The following AFG2A variants were observed in gnomAD, a reference collection of about 807,000 sequenced individuals.
AFG2A encodes AAA ATPase AFG2A, also known as ATPase family gene 2 protein homolog A.
At chr4:122,927,892 A>G in the AFG2A span, 6 of 1,255,686 alleles carry the variant, frequency 4.8e-6, no homozygotes, top group Non-Finnish European at 5.4e-6. Context: ...TGGATTTCAG[A>G]TTTGGGATGC....
the AFG2A span, among the ~76,000 whole-genome samples, chr4:123,257,959 T>C: frequency 1.3e-5 from 2 of 152,234 alleles, no homozygotes; most frequent in Non-Finnish European, 2.9e-5. Flanking sequence ...GGCTTGCTAA[T>C]TCTTATGTAG....
At chr4:123,082,267 A>G in the AFG2A span, among the ~76,000 whole-genome samples, 6 of 152,028 alleles carry the variant, frequency 3.9e-5, no homozygotes, top group African/African-American at 1.2e-4. Flanking sequence ...TTTGTGTTTT[A>G]CATGTAGGTC....
At chr4:122,939,404 A>C in the AFG2A span, among the ~76,000 whole-genome samples, 1 of 152,134 alleles carries the variant, frequency 6.6e-6, no homozygotes, top group South Asian at 2.1e-4. Flanking sequence ...TTTATTAATA[A>C]AAACTATATG....
the AFG2A span, among the ~76,000 whole-genome samples, chr4:122,935,321 T>G: frequency 6.6e-6 from 1 of 152,178 alleles, no homozygotes; most frequent in Non-Finnish European, 1.5e-5. Context: ...CTTATGTACC[T>G]TTTATACTAG....
chr4:123,296,367 G>A, the AFG2A span, among the ~76,000 whole-genome samples: 1 of 152,162 alleles, frequency 6.6e-6, no homozygotes, highest in Non-Finnish European at 1.5e-5. Flanking sequence ...AAGAGAAAGA[G>A]AAATCCCTTA....
the AFG2A span, among the ~76,000 whole-genome samples, chr4:123,075,809 T>C: frequency 6.6e-6 from 1 of 151,232 alleles, no homozygotes; most frequent in Non-Finnish European, 1.5e-5. Flanking sequence ...AATACAAAAT[T>C]AGCTGGGCGT....
chr4:123,189,507 C>T, the AFG2A span, among the ~76,000 whole-genome samples: 1 of 151,952 alleles, frequency 6.6e-6, no homozygotes, highest in Admixed American at 6.6e-5. Context: ...TCTCCGTTAA[C>T]CCTCAATGTA....
At chr4:122,937,258 A>G in the AFG2A span, among the ~76,000 whole-genome samples, 1 of 152,202 alleles carries the variant, frequency 6.6e-6, no homozygotes, top group Non-Finnish European at 1.5e-5. Context: ...TTACAGTGTA[A>G]CATTGAAATC....
chr4:123,041,714 G>C, the AFG2A span, among the ~76,000 whole-genome samples: 8 of 151,648 alleles, frequency 5.3e-5, no homozygotes, highest in African/African-American at 1.9e-4. Context: ...TTTTAGTAGA[G>C]ATGTGGTTTC....
At chr4:123,098,577 C>T in the AFG2A span, among the ~76,000 whole-genome samples, 5 of 151,884 alleles carry the variant, frequency 3.3e-5, no homozygotes, top group Admixed American at 1.3e-4. Context: ...TTTGTGAGTT[C>T]AACTTTTTAA....
At chr4:122,971,633 T>A in the AFG2A span, among the ~76,000 whole-genome samples, 3 of 152,216 alleles carry the variant, frequency 2.0e-5, no homozygotes, top group East Asian at 5.8e-4. Context: ...CCTTATCTCA[T>A]TCTTGATTTA....
the AFG2A span, among the ~76,000 whole-genome samples, chr4:123,301,557 T>C: frequency 1.3e-5 from 2 of 152,186 alleles, no homozygotes; most frequent in African/African-American, 4.8e-5. Flanking sequence ...AAAAGAACTT[T>C]CTTCCAAAAA....
At chr4:122,932,105 A>G in the AFG2A span, among the ~76,000 whole-genome samples, 5 of 151,736 alleles carry the variant, frequency 3.3e-5, no homozygotes, top group African/African-American at 1.2e-4. Flanking sequence ...CGCCTCTACA[A>G]AAAATATATA....
At chr4:123,117,894 C>T in the AFG2A span, among the ~76,000 whole-genome samples, 781 of 151,220 alleles carry the variant, frequency 5.2e-3, 2 homozygotes, top group African/African-American at 0.018. Context: ...GCCAGGGCTA[C>T]GCAACTAATA....
chr4:122,929,068 T>A, the AFG2A span: 2 of 1,613,838 alleles, frequency 1.2e-6, no homozygotes, highest in Non-Finnish European at 1.7e-6. Flanking sequence ...ATGGCAGGAT[T>A]TCCTGGAGGC....
chr4:122,945,051 G>T, the AFG2A span, among the ~76,000 whole-genome samples: 2 of 152,184 alleles, frequency 1.3e-5, no homozygotes, highest in Non-Finnish European at 2.9e-5. Context: ...CCCCTACTGG[G>T]GGTGCCTCCC....
At chr4:123,240,797 A>G in the AFG2A span, among the ~76,000 whole-genome samples, 1 of 152,210 alleles carries the variant, frequency 6.6e-6, no homozygotes, top group African/African-American at 2.4e-5. Flanking sequence ...GAACTGAAGG[A>G]GATAGACACA....
chr4:123,017,472 G>T, the AFG2A span, among the ~76,000 whole-genome samples: 1 of 40,770 alleles, frequency 2.5e-5, no homozygotes, highest in Non-Finnish European at 4.6e-5. Flanking sequence ...TACAGCTAAT[G>T]GCTTTTACTT....
the AFG2A span, among the ~76,000 whole-genome samples, chr4:123,265,051 G>A: frequency 6.6e-6 from 1 of 152,074 alleles, no homozygotes; most frequent in African/African-American, 2.4e-5. Flanking sequence ...AGAAGAATGG[G>A]GACCTTAAAT....
Sources: gnomAD v4.1 joint callset for allele counts (sites outside exome capture counted in the v4.1 genomes callset) on GRCh38, gnomAD v4.1.1 for gene constraint, MANE v1.5 for transcripts, NCBI Gene and HGNC (gene_info 2026-07-23, HGNC 2026-07-21) for gene names.